The following IMMP2L variants were observed in gnomAD, a reference collection of about 807,000 sequenced individuals.
IMMP2L encodes the protein mitochondrial inner membrane protease subunit 2.
In IMMP2L, 18 loss-of-function variants were observed where a neutral mutation model predicts 19.3. The ratio of observed to expected loss-of-function variants is 0.93; its 90% CI spans 0.64 to 1.38. The LOEUF (loss-of-function observed/expected upper bound fraction) is 1.38, where lower values mean the gene tolerates loss of function less well. Ranked by LOEUF, IMMP2L falls within the 40% of genes most tolerant of loss-of-function variation. The probability of loss-of-function intolerance (pLI) is 0.00; values close to 1 mark genes in which losing one functional copy is unlikely to be tolerated. For synonymous variants in IMMP2L, 76 were observed against 73.0 expected (o/e 1.04, Z -0.21); for missense variants, 233 against 218.2 (o/e 1.07, Z -0.43).
intron 3 of IMMP2L, among the ~76,000 whole-genome samples, chr7:111,141,335 C>T (rs1802864600): frequency 6.6e-6 from 1 of 152,040 alleles, no homozygotes. Flanking sequence ...AATCTTTCCT[C>T]AAATTATAAT....
chr7:110,937,009 C>A (rs1383341028), intron 4 of IMMP2L, among the ~76,000 whole-genome samples: 1 of 151,954 alleles, frequency 6.6e-6, no homozygotes, highest in African/African-American at 2.4e-5. Context: ...ACAATGAGAA[C>A]ACATGAACAA....
intron 3 of IMMP2L, among the ~76,000 whole-genome samples, chr7:110,965,862 G>C (rs1273124178): frequency 1.3e-5 from 2 of 151,812 alleles, no homozygotes; most frequent in Non-Finnish European, 2.9e-5. Context: ...TAAACTGTTT[G>C]GTCATGTAAC....
At chr7:110,910,986 G>A (rs1813001588) in intron 4 of IMMP2L, among the ~76,000 whole-genome samples, 1 of 152,002 alleles carries the variant, frequency 6.6e-6, no homozygotes, top group South Asian at 2.1e-4. Context: ...CAGGATGTGG[G>A]AAAAACCAAG....
intron 3 of IMMP2L, among the ~76,000 whole-genome samples, chr7:111,180,223 T>C (rs544793412): frequency 6.6e-6 from 1 of 152,202 alleles, no homozygotes; most frequent in African/African-American, 2.4e-5. Flanking sequence ...TTACATGCTT[T>C]CCTCACTAAA....
chr7:111,415,733 A>C (rs1834901306), intron 3 of IMMP2L, among the ~76,000 whole-genome samples: 1 of 151,874 alleles, frequency 6.6e-6, no homozygotes, highest in Non-Finnish European at 1.5e-5. Flanking sequence ...AATAAAATGC[A>C]ACAACAAATC....
intron 3 of IMMP2L, among the ~76,000 whole-genome samples, chr7:111,207,907 TTTTC>T (rs772954651): frequency 2.0e-4 from 30 of 152,274 alleles, no homozygotes; most frequent in Non-Finnish European, 3.5e-4. Context: ...CAAAATTAGC[TTTTC>T]TTTCTTTGTT....
At chr7:110,992,014 A>G (rs1822524192) in intron 3 of IMMP2L, among the ~76,000 whole-genome samples, 1 of 152,128 alleles carries the variant, frequency 6.6e-6, no homozygotes. Context: ...TTAAAAAGAA[A>G]CTGCTTGTAC....
intron 3 of IMMP2L, among the ~76,000 whole-genome samples, chr7:111,055,154 A>C (rs981817862): frequency 6.6e-6 from 1 of 151,808 alleles, no homozygotes; most frequent in East Asian, 1.9e-4. Flanking sequence ...GGGCTCGGGC[A>C]AGCTTCCCAT....
rs1715050384 is a variant in IMMP2L, at chr7:111,078,160, G to T, written c.240-114595C>A. 2.0e-5 allele frequency among the ~76,000 whole-genome samples: 3 copies of T among 152,128 alleles called. No homozygotes were observed. The South Asian group carries it at 6.2e-4, about 32-fold the overall frequency. ...ACCCCAAGTAACATTTCTGAAAACA[G>T]TGACTTTATTTTTCACCTTTATATC... On this transcript the variant is annotated intron_variant, in intron 3 of 5. Coordinates refer to ENST00000405709, the MANE Select transcript of IMMP2L (RefSeq NM_032549.4).
intron 3 of IMMP2L, among the ~76,000 whole-genome samples, chr7:111,149,195 C>T (rs1407375196): frequency 6.6e-6 from 1 of 152,022 alleles, no homozygotes; most frequent in Non-Finnish European, 1.5e-5. Flanking sequence ...TAAGTTATTA[C>T]AGCTTGGGAT....
At chr7:111,372,681 A>G (rs770259913) in intron 3 of IMMP2L, among the ~76,000 whole-genome samples, 10 of 152,018 alleles carry the variant, frequency 6.6e-5, no homozygotes, top group Non-Finnish European at 1.0e-4. Context: ...AGCATGGTAC[A>G]GGATGGCAGA....
intron 5 of IMMP2L, among the ~76,000 whole-genome samples, chr7:110,842,082 C>T (rs963937965): frequency 6.6e-6 from 1 of 152,116 alleles, no homozygotes; most frequent in African/African-American, 2.4e-5. Flanking sequence ...TTATCAATCT[C>T]AAGCCCAAAA....
At chr7:111,518,824 T>A (rs190355320) in intron 2 of IMMP2L, among the ~76,000 whole-genome samples, 122 of 152,234 alleles carry the variant, frequency 8.0e-4, no homozygotes, top group Non-Finnish European at 9.7e-4. Context: ...AAAAACATAT[T>A]TTCCTTTCTT....
intron 5 of IMMP2L, among the ~76,000 whole-genome samples, chr7:110,702,154 C>T (rs552251409): frequency 1.1e-4 from 16 of 151,842 alleles, no homozygotes; most frequent in East Asian, 1.9e-4. Flanking sequence ...AGGCTGATCT[C>T]GAACTCCTGG....
intron 3 of IMMP2L, among the ~76,000 whole-genome samples, chr7:111,365,007 AT>A: frequency 6.6e-6 from 1 of 152,180 alleles, no homozygotes; most frequent in East Asian, 1.9e-4. Flanking sequence ...TACATAAGTA[AT>A]AAAAATTGCT....
At chr7:111,103,156 A>T (rs1365607177) in intron 3 of IMMP2L, among the ~76,000 whole-genome samples, 1 of 151,662 alleles carries the variant, frequency 6.6e-6, no homozygotes, top group Non-Finnish European at 1.5e-5. Context: ...TGTTTCCTGC[A>T]AAATGTAACT....
At chr7:111,211,864 G>A (rs1044597749) in intron 3 of IMMP2L, among the ~76,000 whole-genome samples, 9 of 152,070 alleles carry the variant, frequency 5.9e-5, no homozygotes, top group African/African-American at 2.2e-4. Context: ...GGGCATCGTG[G>A]CAGGCGCCTG....
At chr7:110,740,439 C>T (rs35215290) in intron 5 of IMMP2L, among the ~76,000 whole-genome samples, 37,608 of 151,962 alleles carry the variant, frequency 0.25, 4,945 homozygotes, top group Middle Eastern at 0.31. Context: ...ACTGTGAACA[C>T]GTTTATGTGC....
At chr7:111,333,926 T>G (rs542048801) in intron 3 of IMMP2L, among the ~76,000 whole-genome samples, 1 of 152,066 alleles carries the variant, frequency 6.6e-6, no homozygotes, top group Non-Finnish European at 1.5e-5. Context: ...TATACACATC[T>G]AACTTATTAG....
Sources: gnomAD v4.1 joint callset for allele counts (sites outside exome capture counted in the v4.1 genomes callset) on GRCh38, gnomAD v4.1.1 for gene constraint, MANE v1.5 for transcripts, NCBI Gene and HGNC (gene_info 2026-07-23, HGNC 2026-07-21) for gene names.